GABPB2: variants seen among roughly 807,000 people sequenced by gnomAD.
GABPB2 encodes GA-binding protein subunit beta-2.
A neutral mutation model predicts 39.1 loss-of-function variants in GABPB2; 23 were observed. The observed-to-expected ratio is 0.59, with a 90% CI of 0.42 to 0.83. The LOEUF (loss-of-function observed/expected upper bound fraction) is 0.83. Ranked by LOEUF, GABPB2 falls within the 40% of genes least tolerant of loss-of-function variation. The pLI is 0.00. For missense variants in GABPB2, 467 were observed against 541.1 expected (o/e 0.86, Z 1.36); for synonymous variants, 184 against 199.3 (o/e 0.92, Z 0.65).
At chr1:151,103,043 A>G (rs1452759268) in intron 5 of GABPB2, among the ~76,000 whole-genome samples, 1 of 92,186 alleles carries the variant, frequency 1.1e-5, no homozygotes, top group African/African-American at 3.9e-5. Context: ...TACAAAGTAT[A>G]CTTTTTTTTT....
chr1:151,071,713 C>G (rs1294261313), intron 1 of GABPB2, among the ~76,000 whole-genome samples: 1 of 152,066 alleles, frequency 6.6e-6, no homozygotes, highest in Non-Finnish European at 1.5e-5. Flanking sequence ...CTTAGGGGAT[C>G]CCCCCGCCTT....
chr1:151,087,017 G>C, intron 1 of GABPB2, among the ~76,000 whole-genome samples: 1 of 152,058 alleles, frequency 6.6e-6, no homozygotes, highest in East Asian at 1.9e-4. Flanking sequence ...ACCACGCCCG[G>C]CTAATTTTTG....
At chr1:151,115,414 T>G (rs867931328) in intron 7 of GABPB2, among the ~76,000 whole-genome samples, 1,635 of 151,774 alleles carry the variant, frequency 0.011, 47 homozygotes, top group African/African-American at 0.038. Context: ...TTTTTTTTTT[T>G]TTTTCAAATG....
chr1:151,105,333 A>G (rs1284427211), intron 6 of GABPB2, among the ~76,000 whole-genome samples: 1 of 149,064 alleles, frequency 6.7e-6, no homozygotes, highest in Non-Finnish European at 1.5e-5. Context: ...TAACACTCAT[A>G]GAATGGTACC....
At position 151,107,131 on chromosome 1, in the gene GABPB2, T is replaced by G; in HGVS notation, c.831T>G (p.Thr277=). Residue 277 remains threonine, a synonymous_variant, in exon 7 of 9, where the codon ACT becomes ACG. Transcript: ENST00000368918. The part of the protein sequence containing the change: ...SGGQRVITIV[T]DGVPLGNIQT... ...GCCAGAGGGTCATCACCATAGTGACTGATGGAGTCCCTCTGGGTAATATCC... is the reference window on the plus strand; with the variant it reads ...GCCAGAGGGTCATCACCATAGTGACGGATGGAGTCCCTCTGGGTAATATCC... 1 of 1,613,506 alleles carries G rather than the reference T, an allele frequency of 6.2e-7. No individual in the cohort carries two copies. The highest frequency in any genetic ancestry group is 1.3e-5 in the African/African-American group (1 of 75,030).
At position 151,100,580 on chromosome 1, in the gene GABPB2, C is replaced by CTTTT. The variant is rs35251516; in HGVS notation, c.622+2601_622+2604dup. 2.3e-3 allele frequency among the ~76,000 whole-genome samples: 106 copies of CTTTT among 46,726 alleles called. 23 individuals carry two copies. Among genetic ancestry groups the CTTTT allele is most frequent in the Admixed American group, 3.7e-3 (10 of 2,700 alleles). 30.7% of individuals were successfully genotyped at this position (46,726 alleles called of 152,430 possible). On this transcript the variant is annotated intron_variant, in intron 5 of 8. Transcript: ENST00000368918. ...ACAAGTGTGAGCCACTGTGCCTGGCCTTTTTTTTTTTTTTTTTTTTTTTTT... is the reference window on the plus strand; with the variant it reads ...ACAAGTGTGAGCCACTGTGCCTGGCCTTTTTTTTTTTTTTTTTTTTTTTTTTTTT...
intron 7 of GABPB2, chr1:151,112,338 G>GTTGTTT (rs1200674487): frequency 2.0e-5 from 3 of 148,790 alleles, no homozygotes; most frequent in Non-Finnish European, 4.4e-5. Flanking sequence ...TCTTTTTGTT[G>GTTGTTT]TTGTTTTTGT....
At chr1:151,088,065 A>C (rs1190897163) in intron 1 of GABPB2, 125 bp from the exon 2 acceptor site, 14 of 645,732 alleles carry the variant, frequency 2.2e-5, no homozygotes, top group Non-Finnish European at 3.6e-5. Flanking sequence ...GTGACCTACC[A>C]GACAGTCAAC....
In GABPB2 at chr1:151,088,178, C is replaced by G; in HGVS notation, c.1-12C>G. 3 of 1,604,072 alleles carry G rather than the reference C, an allele frequency of 1.9e-6. No individual in the cohort carries two copies. The highest frequency in any genetic ancestry group is 2.6e-6 in the Non-Finnish European group (3 of 1,171,162). On this transcript the variant is annotated splice_polypyrimidine_tract_variant and intron_variant, in intron 1 of 8. Transcript: ENST00000368918. Reference sequence around the variant, plus strand: ...TATAGCTACCTGAAAACTTTTGTTCCTATGCATAAAGATGTCTTTGGTGGA... The same window carrying G: ...TATAGCTACCTGAAAACTTTTGTTCGTATGCATAAAGATGTCTTTGGTGGA...
chr1:151,089,846 A>G (rs587761223), intron 2 of GABPB2, among the ~76,000 whole-genome samples: 2 of 151,972 alleles, frequency 1.3e-5, no homozygotes, highest in African/African-American at 2.4e-5. Context: ...CACGTCCTTT[A>G]GGGAATCTTA....
chr1:151,078,254 AGAGT>A (rs1157741750), intron 1 of GABPB2, among the ~76,000 whole-genome samples: 1 of 150,152 alleles, frequency 6.7e-6, no homozygotes, highest in Non-Finnish European at 1.5e-5. Context: ...TGGGTGAGAC[AGAGT>A]GAGACTTCAA....
chr1:151,092,329 TC>T (rs960328037), intron 3 of GABPB2, among the ~76,000 whole-genome samples: 12 of 151,520 alleles, frequency 7.9e-5, no homozygotes, highest in African/African-American at 2.9e-4. Context: ...ATGGTCTACA[TC>T]CCTTGACCTC....
rs587752845 is a variant in GABPB2, at chr1:151,086,873, G to A, written c.1-1317G>A. Among the ~76,000 whole-genome samples, 11 of 151,576 alleles carry A rather than the reference G, an allele frequency of 7.3e-5. No homozygotes were observed. In the South Asian group the frequency reaches 1.3e-3, roughly 17 times the overall value. ...TTGTATATATATTTTTTATTTTTTC[G>A]AGATAGTGTCTCGCTCTGTCGCCCA... On this transcript the variant is annotated intron_variant, in intron 1 of 8. Transcript: ENST00000368918.
chr1:151,105,762 C>T (rs1311638894), intron 6 of GABPB2, among the ~76,000 whole-genome samples: 1 of 152,018 alleles, frequency 6.6e-6, no homozygotes, highest in East Asian at 1.9e-4. Context: ...GCCGTGGCCT[C>T]CCAAAGTGCT....
At chr1:151,095,486 G>A (rs1037964555) in intron 4 of GABPB2, among the ~76,000 whole-genome samples, 1 of 152,182 alleles carries the variant, frequency 6.6e-6, no homozygotes, top group African/African-American at 2.4e-5. Flanking sequence ...ACACAGATGA[G>A]AGAGACACTT....
intron 5 of GABPB2, 145 bp from the exon 6 acceptor site, chr1:151,103,417 A>G (rs1161526139): frequency 3.8e-6 from 2 of 531,502 alleles, no homozygotes; most frequent in South Asian, 3.2e-5. Context: ...TAACACTGAT[A>G]TAATTGGCTT....
chr1:151,086,383 ATTT>A (rs1228907722), intron 1 of GABPB2, among the ~76,000 whole-genome samples: 1 of 152,176 alleles, frequency 6.6e-6, no homozygotes, highest in Non-Finnish European at 1.5e-5. Context: ...AGAACTGGCA[ATTT>A]TCCCTTGAGA....
intron 1 of GABPB2, among the ~76,000 whole-genome samples, chr1:151,082,925 A>C (rs979129750): frequency 6.6e-6 from 1 of 151,612 alleles, no homozygotes; most frequent in African/African-American, 2.4e-5. Flanking sequence ...GCAGTGAGCT[A>C]TGATCATACC....
At position 151,118,814 on chromosome 1, in the gene GABPB2, T is replaced by TC. The variant is rs1234041687; in HGVS notation, c.*558_*559insC. The TC allele has an allele frequency of 1.3e-5, 2 of 151,914 alleles. No individual in the cohort carries two copies. The highest frequency in any genetic ancestry group is 6.6e-5 in the Admixed American group (1 of 15,214). 9.4% of individuals were successfully genotyped at this position (151,914 alleles called of 1,614,324 possible). On this transcript the variant is annotated 3_prime_UTR_variant, in exon 9 of 9. Transcript: ENST00000368918. ...GAAGAGAATTTTCCCTTTTTTTTTT[T>TC]TTTTTTGAGACACGGTCTGACTCTG...
Sources: allele counts gnomAD v4.1 joint callset (sites outside exome capture counted in the v4.1 genomes callset), GRCh38; gene constraint gnomAD v4.1.1; transcripts MANE v1.5; gene names NCBI Gene and HGNC (gene_info 2026-07-23, HGNC 2026-07-21).